SH2D4B: variants seen among roughly 807,000 people sequenced by gnomAD.
SH2D4B encodes SH2 domain containing 4B.
SH2D4B carries 45 observed loss-of-function variants against 61.5 expected under a neutral mutation model. That is an observed-to-expected ratio of 0.73 (90% CI 0.58 to 0.94). SH2D4B has a LOEUF of 0.94. Ranked by LOEUF, SH2D4B falls within the 40% of genes least tolerant of loss-of-function variation. The pLI is 0.00. For synonymous variants in SH2D4B, 224 were observed against 220.4 expected (o/e 1.02, Z -0.14); for missense variants, 572 against 574.2 (o/e 1.00, Z 0.04).
intron 1 of SH2D4B, among the ~76,000 whole-genome samples, chr10:80,555,231 A>C (rs1363678337): frequency 2.0e-5 from 3 of 152,294 alleles, no homozygotes; most frequent in East Asian, 3.9e-4. Context: ...CAGGCTTTTC[A>C]ATAAGGACAT....
intron 1 of SH2D4B, among the ~76,000 whole-genome samples, chr10:80,565,619 G>A (rs1024821579): frequency 3.3e-5 from 5 of 152,084 alleles, no homozygotes; most frequent in African/African-American, 1.2e-4. Flanking sequence ...ATCTGGGGGT[G>A]TGCTGCAATG....
intron 1 of SH2D4B, among the ~76,000 whole-genome samples, chr10:80,565,300 G>C (rs1196251230): frequency 2.1e-5 from 3 of 145,084 alleles, no homozygotes; most frequent in African/African-American, 5.1e-5. Flanking sequence ...ACCATCCCCT[G>C]TACCCCCCAC....
chr10:80,575,685 G>T (rs1424087407), intron 3 of SH2D4B, among the ~76,000 whole-genome samples: 1 of 152,178 alleles, frequency 6.6e-6, no homozygotes, highest in Non-Finnish European at 1.5e-5. Context: ...TGAGGCAGGA[G>T]AATTGCTTGA....
At chr10:80,639,266 A>C (rs1242655230) in intron 7 of SH2D4B, among the ~76,000 whole-genome samples, 2 of 152,160 alleles carry the variant, frequency 1.3e-5, no homozygotes, top group Non-Finnish European at 2.9e-5. Context: ...TATTCTGTTG[A>C]TTTGGGATGG....
At chr10:80,574,072 A>G (rs1460248669) in intron 3 of SH2D4B, among the ~76,000 whole-genome samples, 1 of 152,176 alleles carries the variant, frequency 6.6e-6, no homozygotes, top group Non-Finnish European at 1.5e-5. Flanking sequence ...ACTTTTATCT[A>G]TATACCTATA....
intron 1 of SH2D4B, among the ~76,000 whole-genome samples, chr10:80,552,395 C>A (rs1435631037): frequency 2.0e-5 from 3 of 152,230 alleles, no homozygotes; most frequent in Non-Finnish European, 4.4e-5. Context: ...AGGACTCCAG[C>A]TGGTGGATGC....
chr10:80,623,199 G>C (rs1842735117), intron 6 of SH2D4B, among the ~76,000 whole-genome samples: 1 of 152,260 alleles, frequency 6.6e-6, no homozygotes, highest in African/African-American at 2.4e-5. Context: ...ACAGGCGTGA[G>C]CCGCCGTGCC....
chr10:80,598,086 A>C (rs1842405991), intron 4 of SH2D4B, among the ~76,000 whole-genome samples: 1 of 152,224 alleles, frequency 6.6e-6, no homozygotes, highest in African/African-American at 2.4e-5. Flanking sequence ...GGGAAGGAGC[A>C]CTGGACTGGG....
chr10:80,600,283 C>T lies in SH2D4B; in HGVS notation c.644-3296C>T, dbSNP rs766375709. On this transcript the variant is annotated intron_variant, in intron 4 of 7. Transcript: ENST00000646907. Reference sequence around the variant, plus strand: ...TTCATTAATTTTCAGGGACATTGTTCTATTCACCCAAGGGATTACTACAAA... The same window carrying T: ...TTCATTAATTTTCAGGGACATTGTTTTATTCACCCAAGGGATTACTACAAA... 1.6e-4 allele frequency among the ~76,000 whole-genome samples: 25 copies of T among 152,228 alleles called. 1 individual carries two copies. Among genetic ancestry groups the T allele is most frequent in the Non-Finnish European group, 3.2e-4 (22 of 68,036 alleles).
At chr10:80,577,174 C>T (rs937076675) in intron 3 of SH2D4B, among the ~76,000 whole-genome samples, 2 of 152,206 alleles carry the variant, frequency 1.3e-5, no homozygotes, top group South Asian at 2.1e-4. Flanking sequence ...TACTACCCTA[C>T]ACTACACACT....
chr10:80,573,058 C>G (rs2132120363), intron 3 of SH2D4B, among the ~76,000 whole-genome samples: 1 of 119,906 alleles, frequency 8.3e-6, no homozygotes. Context: ...GATCTCGGCT[C>G]ACTGCAAGCT....
At chr10:80,540,844 C>A in intron 1 of SH2D4B, 2 of 1,551,126 alleles carry the variant, frequency 1.3e-6, no homozygotes, top group Non-Finnish European at 8.7e-7. Flanking sequence ...TGTCCCAGGG[C>A]GGGAATTGTG....
chr10:80,599,065 A>G (rs1420340811), intron 4 of SH2D4B, among the ~76,000 whole-genome samples: 3 of 152,116 alleles, frequency 2.0e-5, no homozygotes, highest in Non-Finnish European at 4.4e-5. Context: ...GACAGAGCGG[A>G]GTGGGAAACG....
intron 3 of SH2D4B, among the ~76,000 whole-genome samples, chr10:80,581,290 G>A (rs1313122186): frequency 6.6e-6 from 1 of 152,148 alleles, no homozygotes; most frequent in Non-Finnish European, 1.5e-5. Flanking sequence ...AATCTGAGGT[G>A]GTTAAGGGCC....
intron 3 of SH2D4B, among the ~76,000 whole-genome samples, chr10:80,582,370 A>G (rs1443117679): frequency 6.6e-6 from 1 of 152,202 alleles, no homozygotes; most frequent in African/African-American, 2.4e-5. Context: ...TTTATATTAA[A>G]AATCCGAGTC....
intron 1 of SH2D4B, chr10:80,540,864 G>T (rs1841568700): frequency 6.4e-7 from 1 of 1,551,504 alleles, no homozygotes; most frequent in East Asian, 2.4e-5. Context: ...GCGGGGACGG[G>T]CTCCACGGAG....
At chr10:80,609,349 C>T in intron 5 of SH2D4B, 75 bp from the exon 6 acceptor site, 4 of 1,342,762 alleles carry the variant, frequency 3.0e-6, no homozygotes, top group South Asian at 2.5e-5. Flanking sequence ...CTCTTTCCTT[C>T]CCCTCTGCCT....
intron 4 of SH2D4B, among the ~76,000 whole-genome samples, chr10:80,593,987 T>C (rs962368725): frequency 6.6e-6 from 1 of 151,776 alleles, no homozygotes; most frequent in East Asian, 1.9e-4. Context: ...TTTATATATA[T>C]ATATTTTTAG....
intron 6 of SH2D4B, among the ~76,000 whole-genome samples, chr10:80,630,707 G>A (rs1399905602): frequency 6.6e-6 from 1 of 152,208 alleles, no homozygotes; most frequent in African/African-American, 2.4e-5. Flanking sequence ...TAGAGTGTAG[G>A]CTGCCCATAG....
Sources: gnomAD v4.1 joint callset for allele counts (sites outside exome capture counted in the v4.1 genomes callset) on GRCh38, gnomAD v4.1.1 for gene constraint, MANE v1.5 for transcripts, NCBI Gene and HGNC (gene_info 2026-07-23, HGNC 2026-07-21) for gene names.